The following ANKRD33B variants were observed in gnomAD, a reference collection of about 807,000 sequenced individuals.
ANKRD33B encodes ankyrin repeat domain-containing protein 33B.
In ANKRD33B, 6 loss-of-function variants were observed where a neutral mutation model predicts 21.5. That is an observed-to-expected ratio of 0.28 (90% CI 0.15 to 0.55). The LOEUF (loss-of-function observed/expected upper bound fraction) is 0.55. Ranked by LOEUF, ANKRD33B falls within the 20% of genes least tolerant of loss-of-function variation. The pLI is 0.94. For missense variants in ANKRD33B, 698 were observed against 747.2 expected (o/e 0.93, Z 0.77); for synonymous variants, 347 against 342.4 (o/e 1.01, Z -0.15).
At position 10,655,803 on chromosome 5, in the gene ANKRD33B, C is replaced by T. The variant is rs551806974; in HGVS notation, c.*5690C>T. Reference sequence around the variant, plus strand: ...GATTCTGCACCTGGCAATCGGCGCTCCCCTTTGGAAACACCTGGGGGCCCT... The same window carrying T: ...GATTCTGCACCTGGCAATCGGCGCTTCCCTTTGGAAACACCTGGGGGCCCT... On this transcript the variant is annotated 3_prime_UTR_variant, in exon 4 of 4. Coordinates refer to ENST00000296657, the MANE Select transcript of ANKRD33B (RefSeq NM_001164440.2). 5 of 152,460 alleles carry T rather than the reference C, an allele frequency of 3.3e-5. No individual in the cohort carries two copies. The highest frequency in any genetic ancestry group is 1.3e-4 in the Admixed American group (2 of 15,308). The allele number at this position is 152,460 out of a possible 1,614,324, so 9.4% of individuals were successfully genotyped here. A position where few individuals can be genotyped will look rare whatever the true frequency, so the allele number is the denominator to read the frequency against.
intron 2 of ANKRD33B, chr5:10,627,844 T>A (rs1235747467): frequency 2.0e-5 from 3 of 152,234 alleles, no homozygotes; most frequent in African/African-American, 7.2e-5. Context: ...TGATTGGCCA[T>A]GGCAGCGCCA....
At chr5:10,578,795 A>AT (rs1313991266) in intron 1 of ANKRD33B, among the ~76,000 whole-genome samples, 2 of 152,198 alleles carry the variant, frequency 1.3e-5, no homozygotes, top group African/African-American at 4.8e-5. Context: ...GAAAAACCCC[A>AT]AACCTATCTC....
rs140499782 is a variant in ANKRD33B at position 10,584,843 on chromosome 5, G to A, written c.366+20010G>A. Among the ~76,000 whole-genome samples the A allele has an allele frequency of 9.0e-3, 1,375 of 152,316 alleles. 17 individuals are homozygous for A. The highest frequency in any genetic ancestry group is 0.027 in the Middle Eastern group (8 of 294). On this transcript the variant is annotated intron_variant, in intron 1 of 3. Transcript: ENST00000296657. ...CTCAGGAGATGGGATAAGGTAGGCA[G>A]GGAAAGGGTTTTGCAGCACTGGGCT...
intron 2 of ANKRD33B, among the ~76,000 whole-genome samples, chr5:10,632,480 G>A (rs918416600): frequency 7.9e-5 from 12 of 152,148 alleles, no homozygotes; most frequent in African/African-American, 2.4e-4. Flanking sequence ...CCAGGGGTGT[G>A]GCGGGGCCAG....
chr5:10,630,762 C>T (rs373890013), intron 2 of ANKRD33B, among the ~76,000 whole-genome samples: 2 of 151,796 alleles, frequency 1.3e-5, no homozygotes, highest in Admixed American at 1.3e-4. Context: ...AATCCCAGCA[C>T]TTTGGGAGGC....
rs1734987690 is a variant in ANKRD33B, at chr5:10,564,184, A to T, written c.-284A>T. The T allele has an allele frequency of 6.5e-6, 1 of 153,690 alleles. No homozygotes were observed. The highest frequency in any genetic ancestry group is 1.4e-5 in the Non-Finnish European group (1 of 69,126). The allele number at this position is 153,690 out of a possible 1,614,324, so 9.5% of individuals were successfully genotyped here. A position where few individuals can be genotyped will look rare whatever the true frequency, so the allele number is the denominator to read the frequency against. On this transcript the variant is annotated 5_prime_UTR_variant, in exon 1 of 4. Transcript: ENST00000296657. ...TGCCTGGCTCTGAACTCTGGCCAGG[A>T]AGGGGCGCGAGGGGAAGGCCCCGGG...
intron 1 of ANKRD33B, among the ~76,000 whole-genome samples, chr5:10,613,990 C>CATGTGTGT (rs142362643): frequency 7.1e-6 from 1 of 141,290 alleles, no homozygotes; most frequent in African/African-American, 2.7e-5. Flanking sequence ...CCAGAGAAAT[C>CATGTGTGT]GTGTGTGTGT....
chr5:10,609,454 A>C (rs1736118116), intron 1 of ANKRD33B, among the ~76,000 whole-genome samples: 1 of 152,104 alleles, frequency 6.6e-6, no homozygotes, highest in Non-Finnish European at 1.5e-5. Flanking sequence ...AGGGAGGCTG[A>C]GGGGGGAGGA....
At chr5:10,606,595 G>C (rs1242025527) in intron 1 of ANKRD33B, among the ~76,000 whole-genome samples, 2 of 152,036 alleles carry the variant, frequency 1.3e-5, no homozygotes, top group Non-Finnish European at 2.9e-5. Flanking sequence ...TTAGCTGGGC[G>C]TGTTGGCGAG....
At chr5:10,598,468 T>A (rs1021047311) in intron 1 of ANKRD33B, among the ~76,000 whole-genome samples, 1 of 152,168 alleles carries the variant, frequency 6.6e-6, no homozygotes, top group African/African-American at 2.4e-5. Context: ...AGTTTCACCA[T>A]GTTAGCCAGC....
chr5:10,634,477 T>TTTTTA (rs1736808228), intron 2 of ANKRD33B, among the ~76,000 whole-genome samples: 2 of 151,280 alleles, frequency 1.3e-5, no homozygotes, highest in African/African-American at 4.9e-5. Flanking sequence ...TTTTTTTTTT[T>TTTTTA]GAGACAGGGT....
At chr5:10,648,699 C>G (rs1156885672) in intron 3 of ANKRD33B, among the ~76,000 whole-genome samples, 3 of 152,010 alleles carry the variant, frequency 2.0e-5, no homozygotes, top group Non-Finnish European at 2.9e-5. Context: ...GCAGAGGTTG[C>G]GGTGAACGGA....
chr5:10,641,225 CTTT>C (rs772445527), intron 3 of ANKRD33B, among the ~76,000 whole-genome samples: 5 of 77,448 alleles, frequency 6.5e-5, no homozygotes, highest in East Asian at 3.5e-4. Context: ...TCTTCTTCTT[CTTT>C]TTTTTTTTTT....
intron 1 of ANKRD33B, 26 bp from the exon 2 acceptor site, chr5:10,618,307 G>A (rs1736334568): frequency 6.5e-7 from 1 of 1,536,004 alleles, no homozygotes; most frequent in African/African-American, 1.4e-5. Context: ...CTGCCCCTCT[G>A]ACCCGCTTCC....
Position 10,570,150 on chromosome 5 carries a change from T to A in ANKRD33B, c.366+5317T>A, listed in dbSNP as rs1324592753. Among the ~76,000 whole-genome samples, 8 of 152,186 alleles carry A rather than the reference T, an allele frequency of 5.3e-5. No individual in the cohort carries two copies. The East Asian group carries it at 1.5e-3, about 29-fold the overall frequency. On this transcript the variant is annotated intron_variant, in intron 1 of 3. Transcript: ENST00000296657. ...CCTCGGCCTCCCAAAGTGCTGGGAT[T>A]ACAGGCATGAGCCACTGCACCCAGC...
intron 2 of ANKRD33B, among the ~76,000 whole-genome samples, chr5:10,618,975 C>T (rs746544021): frequency 7.9e-5 from 12 of 152,110 alleles, no homozygotes; most frequent in Middle Eastern, 3.4e-3. Flanking sequence ...ATCTTGTGAG[C>T]GGGTATCCAA....
chr5:10,571,638 G>A (rs765532583), intron 1 of ANKRD33B, among the ~76,000 whole-genome samples: 1 of 152,138 alleles, frequency 6.6e-6, no homozygotes, highest in Non-Finnish European at 1.5e-5. Context: ...ACCTCAAGGG[G>A]TTAATAGTTT....
Position 10,593,489 on chromosome 5 carries a change from T to C in ANKRD33B, c.367-24844T>C, listed in dbSNP as rs1342943368. On this transcript the variant is annotated intron_variant, in intron 1 of 3. Transcript: ENST00000296657. ...CATTTGTTGTATGACATTTACTTTTTAGTGCCTTAACTTGCCTTGTACTGT... is the reference window on the plus strand; with the variant it reads ...CATTTGTTGTATGACATTTACTTTTCAGTGCCTTAACTTGCCTTGTACTGT... 2.6e-5 allele frequency among the ~76,000 whole-genome samples: 4 copies of C among 152,182 alleles called. No individual in the cohort carries two copies. The East Asian group carries it at 7.7e-4, about 29-fold the overall frequency.
chr5:10,605,395 C>A (rs1180293519), intron 1 of ANKRD33B, among the ~76,000 whole-genome samples: 1 of 152,166 alleles, frequency 6.6e-6, no homozygotes, highest in African/African-American at 2.4e-5. Context: ...ATTAGAAGTA[C>A]AGGGTATGGA....
Sources: gnomAD v4.1 joint callset for allele counts (sites outside exome capture counted in the v4.1 genomes callset) on GRCh38, gnomAD v4.1.1 for gene constraint, MANE v1.5 for transcripts, NCBI Gene and HGNC (gene_info 2026-07-23, HGNC 2026-07-21) for gene names.